SIL1: variants seen among roughly 807,000 people sequenced by gnomAD.
SIL1 encodes nucleotide exchange factor SIL1.
In SIL1, 40 loss-of-function variants were observed where a neutral mutation model predicts 49.1. The observed-to-expected ratio is 0.81, with a 90% CI of 0.63 to 1.06. The LOEUF (loss-of-function observed/expected upper bound fraction) is 1.06. SIL1 is among the 50% of genes least tolerant of loss of function. SIL1 has a pLI of 0.00. For synonymous variants in SIL1, 253 were observed against 250.8 expected (o/e 1.01, Z -0.08); for missense variants, 500 against 572.6 (o/e 0.87, Z 1.29).
rs191307617 is a variant in SIL1, at chr5:139,004,375, G to A, written c.767+16796C>T. Among the ~76,000 whole-genome samples the A allele has an allele frequency of 5.3e-4, 81 of 152,102 alleles. No individual in the cohort carries two copies. In the East Asian group the frequency reaches 0.01, roughly 20 times the overall value. ...GATTTCTCCTGAATCACTGTGCATG[G>A]GATTCAGTGGATTTCCTGAATCAGA... On this transcript the variant is annotated intron_variant, in intron 7 of 9. Coordinates refer to ENST00000394817, the MANE Select transcript of SIL1 (RefSeq NM_022464.5).
At chr5:138,980,248 A>G (rs1256127841) in intron 7 of SIL1, among the ~76,000 whole-genome samples, 1 of 145,854 alleles carries the variant, frequency 6.9e-6, no homozygotes, top group African/African-American at 2.8e-5. Context: ...CAATGAAATA[A>G]GAAGTCTGAA....
At position 139,157,899 on chromosome 5, in the gene SIL1, G is replaced by A. The variant is rs191234445; in HGVS notation, c.-10-30046C>T. 1.3e-4 allele frequency among the ~76,000 whole-genome samples: 20 copies of A among 152,246 alleles called. 1 individual carries two copies. Among genetic ancestry groups the A allele is most frequent in the Admixed American group, 1.3e-3 (20 of 15,296 alleles). ...TACCCAGAGTTCTACTTTTCTTTTT[G>A]CTAGATGCTTTTCCTCTCCCTCAAC... On this transcript the variant is annotated intron_variant, in intron 1 of 9. Transcript: ENST00000394817.
intron 2 of SIL1, among the ~76,000 whole-genome samples, chr5:139,126,376 C>G (rs1410927966): frequency 6.6e-6 from 1 of 152,224 alleles, no homozygotes; most frequent in South Asian, 2.1e-4. Flanking sequence ...GACTTCCTAA[C>G]TCGGTCCTTA....
intron 7 of SIL1, among the ~76,000 whole-genome samples, chr5:138,962,875 G>A (rs578242919): frequency 1.3e-5 from 2 of 152,308 alleles, no homozygotes; most frequent in African/African-American, 2.4e-5. Context: ...GCTAAAGGGA[G>A]ACCACAGGGT....
intron 3 of SIL1, among the ~76,000 whole-genome samples, chr5:139,102,484 CAAA>C (rs57739735): frequency 0.019 from 2,146 of 115,650 alleles, 46 homozygotes; most frequent in African/African-American, 0.064. Context: ...TGTCAGCAGG[CAAA>C]AAAAAAAAAA....
chr5:139,095,056 C>A (rs1770425110), intron 3 of SIL1, among the ~76,000 whole-genome samples: 1 of 152,132 alleles, frequency 6.6e-6, no homozygotes, highest in Admixed American at 6.5e-5. Context: ...GCATCATATC[C>A]ACATGACAAC....
chr5:139,025,488 G>C (rs1011600019), intron 6 of SIL1, among the ~76,000 whole-genome samples: 1 of 152,192 alleles, frequency 6.6e-6, no homozygotes, highest in African/African-American at 2.4e-5. Context: ...TTGAAGCAGT[G>C]CCTGGTATAT....
intron 7 of SIL1, among the ~76,000 whole-genome samples, chr5:139,016,089 C>A (rs1485489122): frequency 1.3e-5 from 2 of 151,948 alleles, no homozygotes; most frequent in Non-Finnish European, 2.9e-5. Flanking sequence ...CACAGTGAGA[C>A]CCTGTCTCTA....
intron 3 of SIL1, among the ~76,000 whole-genome samples, chr5:139,068,299 C>G (rs1007454640): frequency 6.6e-5 from 10 of 152,156 alleles, no homozygotes; most frequent in African/African-American, 2.2e-4. Context: ...GATAGGCATT[C>G]ACTAAAAATT....
At chr5:139,040,430 T>G (rs1366589176) in intron 5 of SIL1, among the ~76,000 whole-genome samples, 1 of 151,776 alleles carries the variant, frequency 6.6e-6, no homozygotes, top group Non-Finnish European at 1.5e-5. Context: ...GCTTGGGTCT[T>G]GCATTTGGGT....
chr5:139,073,838 T>G (rs1769886480), intron 3 of SIL1, among the ~76,000 whole-genome samples: 1 of 151,162 alleles, frequency 6.6e-6, no homozygotes, highest in Non-Finnish European at 1.5e-5. Context: ...GGGCGGAGGT[T>G]GCAGTGAGCC....
intron 7 of SIL1, among the ~76,000 whole-genome samples, chr5:138,978,213 A>C (rs1767434804): frequency 7.3e-6 from 1 of 137,928 alleles, no homozygotes; most frequent in Admixed American, 7.3e-5. Context: ...GCCCCCCGCA[A>C]CTCTCCCCAA....
intron 7 of SIL1, among the ~76,000 whole-genome samples, chr5:139,005,621 G>A (rs1293453950): frequency 3.3e-5 from 3 of 91,666 alleles, no homozygotes; most frequent in African/African-American, 4.3e-5. Context: ...CCCCACCACA[G>A]TCCCCAGAGT....
intron 7 of SIL1, among the ~76,000 whole-genome samples, chr5:138,983,660 C>T (rs1475192951): frequency 6.6e-6 from 1 of 152,076 alleles, no homozygotes; most frequent in Non-Finnish European, 1.5e-5. Flanking sequence ...CAACCACCCA[C>T]TCTACCCTGC....
intron 1 of SIL1, among the ~76,000 whole-genome samples, chr5:139,139,714 C>T (rs1751043510): frequency 6.6e-6 from 1 of 152,232 alleles, no homozygotes; most frequent in Admixed American, 6.5e-5. Context: ...AGGACAGGCG[C>T]AGTGGCTCAC....
intron 1 of SIL1, among the ~76,000 whole-genome samples, chr5:139,163,025 A>C (rs1312962400): frequency 6.6e-6 from 1 of 151,926 alleles, no homozygotes; most frequent in African/African-American, 2.4e-5. Flanking sequence ...AGGTGGAGCA[A>C]AGGCCCTCTG....
intron 3 of SIL1, among the ~76,000 whole-genome samples, chr5:139,095,941 A>G (rs1229418591): frequency 6.6e-6 from 1 of 152,238 alleles, no homozygotes; most frequent in Non-Finnish European, 1.5e-5. Context: ...AAGGACACCA[A>G]TTTAACAACT....
chr5:139,067,555 G>A (rs1165151696), intron 3 of SIL1, among the ~76,000 whole-genome samples: 4 of 152,206 alleles, frequency 2.6e-5, no homozygotes, highest in South Asian at 2.1e-4. Context: ...ACCAGCTGGT[G>A]AAGCCTCTGA....
intron 4 of SIL1, among the ~76,000 whole-genome samples, chr5:139,047,476 TG>T (rs1769191239): frequency 6.6e-6 from 1 of 152,252 alleles, no homozygotes. Flanking sequence ...CCATGAATTT[TG>T]GATTAATGGG....
Sources: allele counts gnomAD v4.1 joint callset (sites outside exome capture counted in the v4.1 genomes callset), GRCh38; gene constraint gnomAD v4.1.1; transcripts MANE v1.5; gene names NCBI Gene and HGNC (gene_info 2026-07-23, HGNC 2026-07-21).